The following PCDHGB1 variants were observed in gnomAD, a reference collection of about 807,000 sequenced individuals.
The protein encoded by PCDHGB1 is protocadherin gamma-B1.
Under a neutral mutation model 56.6 loss-of-function variants are expected in PCDHGB1, and 34 were observed. That is an observed-to-expected ratio of 0.60 (90% confidence interval 0.46 to 0.80). PCDHGB1 has a LOEUF of 0.80. Ranked by LOEUF, PCDHGB1 falls within the 30% of genes least tolerant of loss-of-function variation. The pLI is 0.00. For missense variants in PCDHGB1, 1,278 were observed against 1,204.6 expected, an observed-to-expected ratio of 1.06 and a Z score of -0.90; for synonymous variants, 561 against 505.9, an observed-to-expected ratio of 1.11 and a Z score of -1.46.
At chr5:141,403,121 C>T (rs2094357954) in intron 1 of PCDHGB1, 1 of 1,614,046 alleles carries the variant, frequency 6.2e-7, no homozygotes, top group Non-Finnish European at 8.5e-7. Context: ...TCTGGAGCCC[C>T]GGGAGCTGGC....
Position 141,409,527 on chromosome 5 carries a change from T to A in PCDHGB1, c.2409+56858T>A. 1 of 1,613,970 alleles carries A rather than the reference T, an allele frequency of 6.2e-7. No homozygotes were observed. Among genetic ancestry groups the A allele is most frequent in the South Asian group, 1.1e-5 (1 of 91,084 alleles). ...TCCAGTAGAAGCATCACCTTGTATGTCGCTGACATCAACGACAACGCCCCA... is the reference window on the plus strand; with the variant it reads ...TCCAGTAGAAGCATCACCTTGTATGACGCTGACATCAACGACAACGCCCCA... On this transcript the variant is annotated intron_variant, in intron 1 of 3. Coordinates refer to ENST00000523390, the MANE Select transcript of PCDHGB1 (RefSeq NM_018922.3).
At chr5:141,399,450 C>T in intron 1 of PCDHGB1, 3 of 1,614,018 alleles carry the variant, frequency 1.9e-6, no homozygotes, top group Non-Finnish European at 1.7e-6. Context: ...TCAGAGACGT[C>T]AACGATAACG....
intron 1 of PCDHGB1, among the ~76,000 whole-genome samples, chr5:141,456,940 G>A (rs1284610928): frequency 6.6e-6 from 1 of 152,138 alleles, no homozygotes; most frequent in Non-Finnish European, 1.5e-5. Context: ...TCCAGCCTGG[G>A]CAACAGAGCA....
At position 141,490,108 on chromosome 5, in the gene PCDHGB1, C is replaced by T. The variant is rs566655929; in HGVS notation, c.2410-4699C>T. 1.4e-5 allele frequency: 22 copies of T among 1,614,244 alleles called. No individual in the cohort carries two copies. Among genetic ancestry groups the T allele is most frequent in the South Asian group, 5.5e-5 (5 of 91,090 alleles). The stretch of plus-strand genomic sequence containing the variant: ...TGGAGACCACACATCTGAGGCAGTG[C>T]GGAACCTCTTTGGCCTAGACCCTAG... On this transcript the variant is annotated intron_variant, in intron 1 of 3. Coordinates refer to ENST00000523390, the MANE Select transcript of PCDHGB1 (RefSeq NM_018922.3). This position sits in a 1 kb window ranked among gnomAD's most constrained non-coding sequence, Gnocchi z 5.4.
chr5:141,374,681 C>G, intron 1 of PCDHGB1: 1 of 1,610,216 alleles, frequency 6.2e-7, no homozygotes, highest in Non-Finnish European at 8.5e-7. Context: ...GGAGGGCACA[C>G]TGGACCGGGA....
At chr5:141,405,027 A>G (rs1402992376) in intron 1 of PCDHGB1, 1 of 1,613,252 alleles carries the variant, frequency 6.2e-7, no homozygotes, top group Non-Finnish European at 8.5e-7. Context: ...CTTACCCTCT[A>G]CCTCGTTGTG....
intron 1 of PCDHGB1, among the ~76,000 whole-genome samples, chr5:141,472,445 C>T (rs2099280467): frequency 6.6e-6 from 1 of 151,956 alleles, no homozygotes; most frequent in Non-Finnish European, 1.5e-5. Flanking sequence ...GAGGCTGAGG[C>T]AGGAGAATCG....
chr5:141,426,465 T>C, intron 1 of PCDHGB1: 1 of 315,366 alleles, frequency 3.2e-6, no homozygotes, highest in African/African-American at 2.2e-5. Context: ...ATGTTCAGGA[T>C]TTATTGACCT....
intron 1 of PCDHGB1, chr5:141,417,260 G>A (rs1362206061): frequency 1.3e-5 from 2 of 152,174 alleles, no homozygotes; most frequent in Non-Finnish European, 2.9e-5. Context: ...CAGCTTCATA[G>A]ATAATTACTC....
At chr5:141,449,521 G>A (rs1238503983) in intron 1 of PCDHGB1, among the ~76,000 whole-genome samples, 4 of 150,262 alleles carry the variant, frequency 2.7e-5, no homozygotes, top group African/African-American at 9.8e-5. Flanking sequence ...CCTGGGAGGC[G>A]GAGGTTGCAG....
At chr5:141,480,702 C>T (rs1455955207) in intron 1 of PCDHGB1, among the ~76,000 whole-genome samples, 1 of 152,170 alleles carries the variant, frequency 6.6e-6, no homozygotes, top group African/African-American at 2.4e-5. Context: ...AGGCCACACC[C>T]CGACAAATGA....
intron 1 of PCDHGB1, chr5:141,387,968 G>C (rs1169859236): frequency 6.7e-7 from 1 of 1,489,402 alleles, no homozygotes; most frequent in Non-Finnish European, 9.0e-7. Context: ...TCTGCCCGGC[G>C]CTCTGTGAGC....
chr5:141,399,619 G>C (rs749025661), intron 1 of PCDHGB1: 1 of 1,613,902 alleles, frequency 6.2e-7, no homozygotes, highest in Non-Finnish European at 8.5e-7. Context: ...TCTGGCACTG[G>C]CCTCTTACGT....
At position 141,351,882 on chromosome 5, in the gene PCDHGB1, A is replaced by G. The variant is rs1309999370; in HGVS notation, c.1622A>G (p.Asn541Ser). Residue 541 changes from asparagine (N) to serine (S), a missense_variant, in exon 1 of 4, where the codon AAC becomes AGC. Physicochemically the swap from Asn to Ser is conservative, Grantham distance 46 (BLOSUM62 1). Transcript: ENST00000523390. ...RDQGSPALSA[N>S]VSLRVLVGDL... ...CAGGGCTCCCCCGCGCTCAGCGCCAACGTGAGCCTGCGCGTGTTGGTGGGC... is the reference window on the plus strand; with the variant it reads ...CAGGGCTCCCCCGCGCTCAGCGCCAGCGTGAGCCTGCGCGTGTTGGTGGGC... 6.2e-7 allele frequency: 1 copy of G among 1,613,236 alleles called. No homozygotes were observed. Among genetic ancestry groups the G allele is most frequent in the African/African-American group, 1.3e-5 (1 of 74,940 alleles).
In PCDHGB1 at chr5:141,384,758, G is replaced by A. The variant is rs369146747; in HGVS notation, c.2409+32089G>A. ...AGCGAGCCAGGACTCTTTGCGGTTG[G>A]GCTGTACACGGGCGAGGTGCGCACG... is the stretch of plus-strand genomic sequence containing the variant. On this transcript the variant is annotated intron_variant, in intron 1 of 3. Coordinates refer to ENST00000523390, the MANE Select transcript of PCDHGB1 (RefSeq NM_018922.3). 57 of 1,613,872 alleles carry A rather than the reference G, an allele frequency of 3.5e-5. No individual in the cohort carries two copies. The highest frequency in any genetic ancestry group is 4.1e-5 in the Non-Finnish European group (48 of 1,180,038).
chr5:141,356,795 T>A (rs1217688832), intron 1 of PCDHGB1: 1 of 1,613,984 alleles, frequency 6.2e-7, no homozygotes, highest in East Asian at 2.2e-5. Context: ...CAGCTGCTGA[T>A]GACAGCCAGT....
chr5:141,422,222 C>A (rs1453283842), intron 1 of PCDHGB1: 2 of 1,564,972 alleles, frequency 1.3e-6, no homozygotes, highest in South Asian at 1.2e-5. Flanking sequence ...TTTACCACCA[C>A]GACGATGTTG....
chr5:141,447,123 TTTTG>T (rs1327676720), intron 1 of PCDHGB1, among the ~76,000 whole-genome samples: 7 of 152,278 alleles, frequency 4.6e-5, no homozygotes, highest in African/African-American at 1.4e-4. Context: ...CCATGGATTT[TTTTG>T]TTTGTTTGTT....
rs544291535 is a variant in PCDHGB1 at position 141,433,938 on chromosome 5, C to T, written c.2410-60869C>T. 4.6e-5 allele frequency among the ~76,000 whole-genome samples: 7 copies of T among 151,784 alleles called. No homozygotes were observed. The South Asian group carries it at 1.3e-3, about 27-fold the overall frequency. On this transcript the variant is annotated intron_variant, in intron 1 of 3. Coordinates refer to ENST00000523390, the MANE Select transcript of PCDHGB1 (RefSeq NM_018922.3). ...CCTCCAAATGAAGATTTTATAATTCCATTGTTTCTTCTACAGTTGTTAATT... is the reference window on the plus strand; with the variant it reads ...CCTCCAAATGAAGATTTTATAATTCTATTGTTTCTTCTACAGTTGTTAATT...
Sources: allele counts gnomAD v4.1 joint callset (sites outside exome capture counted in the v4.1 genomes callset), GRCh38; gene constraint gnomAD v4.1.1; non-coding constraint Gnocchi (gnomAD v3.1); transcripts MANE v1.5; gene names NCBI Gene and HGNC (gene_info 2026-07-23, HGNC 2026-07-21).